ALKBH8: variants seen among roughly 807,000 people sequenced by gnomAD.
ALKBH8 encodes alkB homolog 8, tRNA methyltransferase.
In ALKBH8, 36 loss-of-function variants were observed where a neutral mutation model predicts 59.8. The observed-to-expected ratio is 0.60, with a 90% CI of 0.46 to 0.79. ALKBH8 has a LOEUF of 0.79. Ranked by LOEUF, ALKBH8 falls within the 30% of genes least tolerant of loss-of-function variation. ALKBH8 has a pLI of 0.00. For synonymous variants in ALKBH8, 276 were observed against 273.6 expected, an observed-to-expected ratio of 1.01 and a Z score of -0.09; for missense variants, 768 against 801.0, an observed-to-expected ratio of 0.96 and a Z score of 0.50.
chr11:107,552,345 T>C (rs1446255966), intron 5 of ALKBH8, among the ~76,000 whole-genome samples: 1 of 150,820 alleles, frequency 6.6e-6, no homozygotes, highest in Non-Finnish European at 1.5e-5. Flanking sequence ...TGTTTCATGA[T>C]GGAAGAAAAG....
intron 10 of ALKBH8, 131 bp from the exon 11 acceptor site, chr11:107,511,167 T>TTC: frequency 1.1e-6 from 1 of 904,116 alleles, no homozygotes; most frequent in Non-Finnish European, 1.7e-6. Context: ...GAGACCATGA[T>TTC]ACTATCGGTT....
At chr11:107,515,058 C>T (rs1327191948) in intron 10 of ALKBH8, among the ~76,000 whole-genome samples, 1 of 152,206 alleles carries the variant, frequency 6.6e-6, no homozygotes, top group African/African-American at 2.4e-5. Flanking sequence ...TCCCCACTGA[C>T]CAACGACCTG....
At chr11:107,550,100 C>A (rs1160964301) in intron 6 of ALKBH8, among the ~76,000 whole-genome samples, 1 of 152,180 alleles carries the variant, frequency 6.6e-6, no homozygotes, top group African/African-American at 2.4e-5. Flanking sequence ...AACTCAATTC[C>A]AGCCCAAGAG....
intron 6 of ALKBH8, 46 bp downstream of exon 6, chr11:107,551,761 TC>T: frequency 9.8e-7 from 1 of 1,015,892 alleles, no homozygotes; most frequent in Non-Finnish European, 1.4e-6. Context: ...TATCATCTAC[TC>T]AGTTCCAAAA....
At chr11:107,561,737 T>C (rs955658475) in intron 1 of ALKBH8, among the ~76,000 whole-genome samples, 3 of 152,208 alleles carry the variant, frequency 2.0e-5, no homozygotes, top group African/African-American at 7.2e-5. Context: ...TCCTCCATCA[T>C]GATATAAATC....
At chr11:107,511,637 C>T (rs1819056) in intron 10 of ALKBH8, among the ~76,000 whole-genome samples, 24,829 of 152,078 alleles carry the variant, frequency 0.16, 2,199 homozygotes, top group Admixed American at 0.24. Flanking sequence ...AGTGCAATGG[C>T]GTGATCTCAG....
intron 9 of ALKBH8, among the ~76,000 whole-genome samples, chr11:107,523,668 T>C (rs1036669708): frequency 1.0e-4 from 15 of 149,432 alleles, no homozygotes; most frequent in African/African-American, 2.7e-4. Context: ...AGTGGCATGA[T>C]ATCGGCTCAC....
intron 10 of ALKBH8, among the ~76,000 whole-genome samples, chr11:107,517,353 T>C (rs1294958063): frequency 6.6e-6 from 1 of 152,156 alleles, no homozygotes; most frequent in African/African-American, 2.4e-5. Flanking sequence ...GAAAACAGTA[T>C]GGAAGCTTCA....
At chr11:107,526,222 T>C (rs1419652266) in intron 8 of ALKBH8, among the ~76,000 whole-genome samples, 1 of 152,008 alleles carries the variant, frequency 6.6e-6, no homozygotes, top group Non-Finnish European at 1.5e-5. Context: ...AATGTTACAC[T>C]CCAACCGGCA....
chr11:107,550,510 AGGCCTCTGCGTCTTTAAGAGTGGCCCC>A (rs1187070580), intron 6 of ALKBH8, among the ~76,000 whole-genome samples: 1 of 152,204 alleles, frequency 6.6e-6, no homozygotes, highest in Non-Finnish European at 1.5e-5. Flanking sequence ...TTCATCCTAC[AGGCCTCTGCGTCTTTAAGAGTGGCCCC>A]GGCCTCTGTG....
chr11:107,526,757 GT>G (rs1205547787), intron 8 of ALKBH8, among the ~76,000 whole-genome samples: 1 of 151,874 alleles, frequency 6.6e-6, no homozygotes, highest in Non-Finnish European at 1.5e-5. Context: ...TTTGTGAATG[GT>G]ATGAGATAGA....
intron 5 of ALKBH8, among the ~76,000 whole-genome samples, chr11:107,552,832 A>G (rs1864551195): frequency 6.6e-6 from 1 of 152,186 alleles, no homozygotes; most frequent in Non-Finnish European, 1.5e-5. Flanking sequence ...CTAAATGTCT[A>G]TCGATAGAGA....
chr11:107,508,068 C>T (rs1862465196), intron 11 of ALKBH8, among the ~76,000 whole-genome samples: 1 of 152,088 alleles, frequency 6.6e-6, no homozygotes, highest in African/African-American at 2.4e-5. Flanking sequence ...TAAATAAATG[C>T]TGCCTCCTCC....
chr11:107,555,904 T>A (rs1864686918), intron 3 of ALKBH8, among the ~76,000 whole-genome samples: 1 of 152,218 alleles, frequency 6.6e-6, no homozygotes, highest in African/African-American at 2.4e-5. Context: ...AATCAGACTA[T>A]CCAGTGGCTA....
At chr11:107,521,032 T>C (rs1263315556) in intron 10 of ALKBH8, among the ~76,000 whole-genome samples, 3 of 152,242 alleles carry the variant, frequency 2.0e-5, no homozygotes, top group Non-Finnish European at 4.4e-5. Context: ...TAATTTTAAA[T>C]ATACAGGAGG....
chr11:107,564,333 C>G (rs771806758), intron 1 of ALKBH8, among the ~76,000 whole-genome samples: 2 of 152,008 alleles, frequency 1.3e-5, no homozygotes, highest in Admixed American at 6.6e-5. Context: ...ATGAAACAAG[C>G]AGTATAGACA....
intron 2 of ALKBH8, 139 bp downstream of exon 2, chr11:107,560,626 C>G: frequency 1.3e-6 from 1 of 753,520 alleles, no homozygotes; most frequent in South Asian, 3.4e-5. Flanking sequence ...GTTAGCAGTT[C>G]ATATCATATG....
At chr11:107,532,631 T>C (rs1383754695) in intron 7 of ALKBH8, among the ~76,000 whole-genome samples, 3 of 152,054 alleles carry the variant, frequency 2.0e-5, no homozygotes, top group African/African-American at 4.8e-5. Context: ...AATCAGTAGG[T>C]CTGGAGTAAG....
chr11:107,553,731 G>A, intron 4 of ALKBH8, 116 bp downstream of exon 4: 11 of 1,110,470 alleles, frequency 9.9e-6, no homozygotes, highest in Non-Finnish European at 1.4e-5. Context: ...CCTAACATTG[G>A]ATCCGGGCTA....
Sources: gnomAD v4.1 joint callset for allele counts (sites outside exome capture counted in the v4.1 genomes callset) on GRCh38, gnomAD v4.1.1 for gene constraint, MANE v1.5 for transcripts, NCBI Gene and HGNC (gene_info 2026-07-23, HGNC 2026-07-21) for gene names.